Variants in NCAM1 observed in about 807,000 individuals in gnomAD.
The protein encoded by NCAM1 is antigen recognized by monoclonal antibody 5.1H11.
In NCAM1, 14 loss-of-function variants were observed where a neutral mutation model predicts 109.8. The observed-to-expected ratio is 0.13, with a 90% CI of 0.08 to 0.20. The LOEUF is 0.20. Among genes scored for constraint, NCAM1 ranks in the 10% least tolerant of loss-of-function variants. The pLI, the probability that NCAM1 is intolerant of heterozygous loss-of-function variation, is 1.00. For missense variants in NCAM1, 774 were observed against 1,109.9 expected (o/e 0.70, Z 4.30); for synonymous variants, 418 against 442.9 (o/e 0.94, Z 0.70).
chr11:113,029,699 A>T (rs1202784178), intron 1 of NCAM1, among the ~76,000 whole-genome samples: 3 of 152,224 alleles, frequency 2.0e-5, no homozygotes, highest in Non-Finnish European at 2.9e-5. Context: ...GACTTAAAGC[A>T]TGCTTTTTTT....
At chr11:113,069,294 T>C (rs1555084808) in intron 1 of NCAM1, among the ~76,000 whole-genome samples, 2 of 152,044 alleles carry the variant, frequency 1.3e-5, no homozygotes, top group Non-Finnish European at 2.9e-5. Flanking sequence ...GAAAAGAGCT[T>C]TGGGGTCTTT....
At chr11:113,027,110 G>T (rs1399196192) in intron 1 of NCAM1, among the ~76,000 whole-genome samples, 2 of 152,206 alleles carry the variant, frequency 1.3e-5, no homozygotes, top group Non-Finnish European at 2.9e-5. Context: ...TGTGAACAAA[G>T]AAATCAATAT....
chr11:113,229,877 G>C (rs1240524483), intron 9 of NCAM1, among the ~76,000 whole-genome samples: 1 of 151,788 alleles, frequency 6.6e-6, no homozygotes, highest in Non-Finnish European at 1.5e-5. Flanking sequence ...GGTGGGAATT[G>C]AACAATGAGA....
intron 1 of NCAM1, among the ~76,000 whole-genome samples, chr11:112,989,231 C>G (rs1430635723): frequency 1.3e-5 from 2 of 152,118 alleles, no homozygotes; most frequent in African/African-American, 2.4e-5. Flanking sequence ...TCTGGAATTC[C>G]CATAACTTGT....
chr11:113,185,079 T>TATATATATATATATATATAGAGAG, intron 1 of NCAM1, among the ~76,000 whole-genome samples: 248 of 125,570 alleles, frequency 2.0e-3, no homozygotes, highest in African/African-American at 2.3e-3. Context: ...TATATATATA[T>TATATATATATATATATATAGAGAG]AGAGAGAGAG....
intron 1 of NCAM1, among the ~76,000 whole-genome samples, chr11:112,981,510 A>G (rs902878034): frequency 1.3e-5 from 2 of 151,906 alleles, no homozygotes; most frequent in Non-Finnish European, 1.5e-5. Flanking sequence ...CTTTTCTAGA[A>G]TACTGGTATC....
At chr11:113,272,690 A>C (rs1188936635) in intron 19 of NCAM1, among the ~76,000 whole-genome samples, 1 of 152,130 alleles carries the variant, frequency 6.6e-6, no homozygotes, top group Non-Finnish European at 1.5e-5. Context: ...TCAGCAGGGA[A>C]GGGCTAGCAG....
chr11:113,191,876 T>C (rs1943689024), intron 1 of NCAM1, among the ~76,000 whole-genome samples: 1 of 152,230 alleles, frequency 6.6e-6, no homozygotes, highest in Non-Finnish European at 1.5e-5. Flanking sequence ...TGTAAGCCTT[T>C]GTATCTTCAA....
chr11:113,146,113 G>A (rs1200767485), intron 1 of NCAM1, among the ~76,000 whole-genome samples: 2 of 152,178 alleles, frequency 1.3e-5, no homozygotes, highest in South Asian at 2.1e-4. Flanking sequence ...TCAAGAGTAC[G>A]AGAAGAGATA....
intron 14 of NCAM1, among the ~76,000 whole-genome samples, chr11:113,243,380 G>C (rs1945399220): frequency 6.6e-6 from 1 of 152,148 alleles, no homozygotes; most frequent in African/African-American, 2.4e-5. Context: ...GGGAAGGAGA[G>C]AGCTCCTTCC....
chr11:113,143,520 C>T (rs1214630330), intron 1 of NCAM1, among the ~76,000 whole-genome samples: 4 of 152,186 alleles, frequency 2.6e-5, no homozygotes, highest in Non-Finnish European at 5.9e-5. Flanking sequence ...GACCTGAGTA[C>T]TTTGATGCTG....
Position 113,270,369 on chromosome 11 carries a change from C to T in NCAM1, c.2313C>T (p.Asp771=), listed in dbSNP as rs782248547. 6.2e-6 allele frequency: 10 copies of T among 1,614,018 alleles called. No individual in the cohort carries two copies. The highest frequency in any genetic ancestry group is 5.5e-5 in the South Asian group (5 of 91,082). Residue 771 remains aspartate (D), a synonymous_variant, in exon 18 of 20, where the codon GAC becomes GAT. Coordinates refer to ENST00000316851, the MANE Select transcript of NCAM1 (RefSeq NM_181351.5). ...GKAGPGAKGK[D]MEEGKAAFSK... is the part of the protein sequence containing the mutation. The stretch of plus-strand genomic sequence containing the variant: ...CCGGGCCCGGGGCCAAGGGCAAGGA[C>T]ATGGAGGAGGGCAAGGCCGCCTTCT...
At chr11:112,969,317 G>A (rs887429970) in intron 1 of NCAM1, among the ~76,000 whole-genome samples, 3 of 152,152 alleles carry the variant, frequency 2.0e-5, no homozygotes, top group Non-Finnish European at 4.4e-5. Context: ...ACTGAGAAAG[G>A]TTAAATGACT....
At chr11:113,194,676 G>A (rs1425450312) in intron 1 of NCAM1, among the ~76,000 whole-genome samples, 5 of 152,000 alleles carry the variant, frequency 3.3e-5, no homozygotes, top group Non-Finnish European at 5.9e-5. Context: ...CTTTCCCTCC[G>A]CCTTTTGTCT....
intron 1 of NCAM1, among the ~76,000 whole-genome samples, chr11:113,038,961 A>C (rs1236998513): frequency 3.3e-5 from 5 of 152,184 alleles, no homozygotes; most frequent in Non-Finnish European, 7.3e-5. Context: ...AAATGAATAG[A>C]CATCGCCAGG....
chr11:113,170,874 T>C (rs547873062), intron 1 of NCAM1, among the ~76,000 whole-genome samples: 1 of 152,332 alleles, frequency 6.6e-6, no homozygotes, highest in East Asian at 1.9e-4. Flanking sequence ...TTAAAATAAT[T>C]ATTTATGCTG....
intron 1 of NCAM1, among the ~76,000 whole-genome samples, chr11:113,032,515 G>A (rs997208953): frequency 7.2e-5 from 11 of 152,216 alleles, no homozygotes; most frequent in African/African-American, 2.2e-4. Flanking sequence ...GGACATTGCT[G>A]TACGTCTATC....
At chr11:113,067,003 C>CAAAAA (rs34002848) in intron 1 of NCAM1, among the ~76,000 whole-genome samples, 3 of 103,672 alleles carry the variant, frequency 2.9e-5, no homozygotes, top group East Asian at 2.8e-4. Context: ...GAACCCCTCT[C>CAAAAA]AAAAAAAAAA....
intron 15 of NCAM1, among the ~76,000 whole-genome samples, chr11:113,253,055 TCTAA>T (rs1239307433): frequency 1.3e-5 from 2 of 151,908 alleles, no homozygotes; most frequent in Admixed American, 6.6e-5. Context: ...ATTATAGTGT[TCTAA>T]CTATGTCAAA....
Sources: gnomAD v4.1 joint callset for allele counts (sites outside exome capture counted in the v4.1 genomes callset) on GRCh38, gnomAD v4.1.1 for gene constraint, MANE v1.5 for transcripts, NCBI Gene and HGNC (gene_info 2026-07-23, HGNC 2026-07-21) for gene names.